Variants in CENPH observed in about 807,000 individuals in gnomAD.
CENPH encodes centromere protein H.
In CENPH, 40 loss-of-function variants were observed where a neutral mutation model predicts 42.9. That is an observed-to-expected ratio of 0.93 (90% CI 0.72 to 1.21). CENPH has a LOEUF of 1.21. Ranked by LOEUF, CENPH falls within the 50% of genes most tolerant of loss-of-function variation. The probability of loss-of-function intolerance (pLI) is 0.00; values close to 1 mark genes in which losing one functional copy is unlikely to be tolerated. For synonymous variants in CENPH, 88 were observed against 96.5 expected, an observed-to-expected ratio of 0.91 and a Z score of 0.52; for missense variants, 302 against 292.9, an observed-to-expected ratio of 1.03 and a Z score of -0.23.
intron 5 of CENPH, among the ~76,000 whole-genome samples, chr5:69,200,000 C>G (rs1748031823): frequency 6.6e-6 from 1 of 151,426 alleles, no homozygotes. Context: ...GTAATCCCAG[C>G]TACTCGGGAG....
intron 2 of CENPH, among the ~76,000 whole-genome samples, chr5:69,193,416 T>A (rs1747911634): frequency 6.6e-6 from 1 of 151,882 alleles, no homozygotes; most frequent in East Asian, 1.9e-4. Flanking sequence ...AGAGGATTGC[T>A]TGAGCCCAGG....
intron 2 of CENPH, among the ~76,000 whole-genome samples, chr5:69,192,554 A>G (rs1422828533): frequency 2.6e-5 from 4 of 152,218 alleles, no homozygotes; most frequent in Non-Finnish European, 5.9e-5. Context: ...CAAGACAAGA[A>G]GATCACTTGA....
chr5:69,207,726 T>A (rs1748182169), intron 7 of CENPH: 1 of 152,116 alleles, frequency 6.6e-6, no homozygotes, highest in African/African-American at 2.4e-5. Context: ...GGAGAATCAC[T>A]TGAACCCCTG....
chr5:69,208,759 A>G (rs543682950), intron 8 of CENPH, among the ~76,000 whole-genome samples: 2 of 152,110 alleles, frequency 1.3e-5, no homozygotes, highest in Non-Finnish European at 1.5e-5. Context: ...GTTTGTATAT[A>G]TCTGGAATGT....
chr5:69,199,970 G>A (rs375751638), intron 5 of CENPH, among the ~76,000 whole-genome samples: 4 of 151,890 alleles, frequency 2.6e-5, no homozygotes, highest in African/African-American at 9.7e-5. Flanking sequence ...AAAATTAGCC[G>A]GGCGTGGTGG....
Position 69,189,646 on chromosome 5 carries a change from G to A in CENPH, c.12G>A (p.Gln4=), listed in dbSNP as rs375968623. 1.1e-5 allele frequency: 18 copies of A among 1,601,654 alleles called. No individual in the cohort carries two copies. The African/African-American group carries it at 2.4e-4, about 21-fold the overall frequency. The change falls in exon 1 of 9, where the codon CAG becomes CAA. Residue 4 remains glutamine, a synonymous_variant. Transcript: ENST00000283006. ...CCCCTCAACCAGCAATGGAGGAGCA[G>A]CCCCAGATGCAAGACGCCGACGAGC... is the stretch of plus-strand genomic sequence containing the variant. MEE[Q]PQMQDADEPA...
chr5:69,193,130 T>C (rs534074194), intron 2 of CENPH, among the ~76,000 whole-genome samples: 35 of 151,430 alleles, frequency 2.3e-4, no homozygotes, highest in South Asian at 8.3e-4. Context: ...TATATATATA[T>C]ACACACACAC....
Position 69,200,719 on chromosome 5 carries a change from C to CTTTTTTTTTTTTTTTTTTTTTTT in CENPH, c.372-1775_372-1753dup, listed in dbSNP as rs70992906. Among the ~76,000 whole-genome samples the CTTTTTTTTTTTTTTTTTTTTTTT allele has an allele frequency of 5.8e-4, 27 of 46,914 alleles. 6 individuals carry two copies. The highest frequency in any genetic ancestry group is 2.2e-3 in the South Asian group (2 of 924). 30.8% of individuals were successfully genotyped at this position (46,914 alleles called of 152,430 possible). ...TCCCAAACTTTCTGAATCAGCGTAT[C>CTTTTTTTTTTTTTTTTTTTTTTT]TTTTTTTTTTTTTTTTTTTTTTTTT... On this transcript the variant is annotated intron_variant, in intron 5 of 8. Transcript: ENST00000283006.
intron 7 of CENPH, among the ~76,000 whole-genome samples, chr5:69,206,000 T>C (rs1214711336): frequency 2.0e-5 from 3 of 152,018 alleles, no homozygotes; most frequent in South Asian, 2.1e-4. Flanking sequence ...TGAGCCACCA[T>C]GCCCGGCCTT....
At chr5:69,198,668 C>T (rs2112087293) in intron 5 of CENPH, among the ~76,000 whole-genome samples, 1 of 152,292 alleles carries the variant, frequency 6.6e-6, no homozygotes, top group African/African-American at 2.4e-5. Flanking sequence ...TACAGAGGCT[C>T]ATGCCTGTAA....
At chr5:69,189,902 A>G in intron 1 of CENPH, 134 bp downstream of exon 1, 1 of 1,017,446 alleles carries the variant, frequency 9.8e-7, no homozygotes, top group Non-Finnish European at 1.4e-6. Flanking sequence ...ATTCACTTAA[A>G]CTGTTGAAGC....
At chr5:69,194,918 C>T (rs866952786) in intron 3 of CENPH, among the ~76,000 whole-genome samples, 6,850 of 135,958 alleles carry the variant, frequency 0.05, 198 homozygotes, top group Middle Eastern at 0.079. Flanking sequence ...GACTTTCTTT[C>T]TTTTTTTTTT....
chr5:69,201,928 A>G (rs1430331799), intron 5 of CENPH, among the ~76,000 whole-genome samples: 1 of 152,168 alleles, frequency 6.6e-6, no homozygotes, highest in African/African-American at 2.4e-5. Context: ...TTGGGTAACA[A>G]TGATGTGTCG....
chr5:69,205,127 C>G (rs1197875640), intron 7 of CENPH, among the ~76,000 whole-genome samples: 2 of 151,744 alleles, frequency 1.3e-5, no homozygotes, highest in Non-Finnish European at 2.9e-5. Flanking sequence ...ACCATGTTAG[C>G]CAGGATGGTC....
intron 2 of CENPH, 62 bp from the exon 3 acceptor site, chr5:69,194,585 T>C: frequency 1.1e-6 from 1 of 948,244 alleles, no homozygotes; most frequent in Non-Finnish European, 1.6e-6. Flanking sequence ...GCTTACATTA[T>C]ATTCCTTTTG....
At chr5:69,205,121 T>C (rs916582830) in intron 7 of CENPH, among the ~76,000 whole-genome samples, 4 of 151,818 alleles carry the variant, frequency 2.6e-5, no homozygotes, top group Admixed American at 2.0e-4. Context: ...TGTTTCACCA[T>C]GTTAGCCAGG....
rs185357734 is a variant in CENPH at position 69,209,535 on chromosome 5, C to T, written c.652-172C>T. 4.0e-4 allele frequency among the ~76,000 whole-genome samples: 59 copies of T among 149,118 alleles called. No individual in the cohort carries two copies. In the East Asian group the frequency reaches 1.0e-2, roughly 25 times the overall value. On this transcript the variant is annotated intron_variant, in intron 8 of 8. Transcript: ENST00000283006. ...GCCTGGGTGACACAGAGCAAGACTC[C>T]GACTCAAAAAAAAAAAATAGAAGAA...
At chr5:69,193,171 ATG>A (rs1021198826) in intron 2 of CENPH, among the ~76,000 whole-genome samples, 8 of 149,842 alleles carry the variant, frequency 5.3e-5, no homozygotes, top group East Asian at 1.9e-4. Flanking sequence ...ATGTATATAT[ATG>A]TGTGTGTATG....
intron 1 of CENPH, among the ~76,000 whole-genome samples, chr5:69,191,080 G>C (rs1035122851): frequency 1.3e-5 from 2 of 152,152 alleles, no homozygotes; most frequent in Admixed American, 1.3e-4. Context: ...ATATGAATTA[G>C]TAATCCAAGG....
Sources: allele counts gnomAD v4.1 joint callset (sites outside exome capture counted in the v4.1 genomes callset), GRCh38; gene constraint gnomAD v4.1.1; transcripts MANE v1.5; gene names NCBI Gene and HGNC (gene_info 2026-07-23, HGNC 2026-07-21).